The following ABTB3 variants were observed in gnomAD, a reference collection of about 807,000 sequenced individuals.
ABTB3 encodes the protein ankyrin repeat and BTB domain containing 3, also known as ankyrin repeat- and BTB/POZ domain-containing protein 3.
chr12:107,351,819 C>T, the ABTB3 span, among the ~76,000 whole-genome samples: 1 of 152,114 alleles, frequency 6.6e-6, no homozygotes, highest in South Asian at 2.1e-4. Context: ...GACTAAGACA[C>T]ACCCTCTCCC....
the ABTB3 span, among the ~76,000 whole-genome samples, chr12:107,519,976 A>C: frequency 6.6e-6 from 1 of 152,202 alleles, no homozygotes; most frequent in African/African-American, 2.4e-5. Flanking sequence ...CCTGACATAT[A>C]GCTCCACAGA....
chr12:107,458,788 G>A, the ABTB3 span, among the ~76,000 whole-genome samples: 1 of 152,144 alleles, frequency 6.6e-6, no homozygotes, highest in Non-Finnish European at 1.5e-5. Flanking sequence ...CAGCTTACCT[G>A]CTACTTCCCA....
chr12:107,545,638 A>G, the ABTB3 span, among the ~76,000 whole-genome samples: 5 of 152,216 alleles, frequency 3.3e-5, no homozygotes, highest in Non-Finnish European at 1.5e-5. Context: ...TAAATTACTC[A>G]GGTCTCCCAC....
At chr12:107,514,857 A>T in the ABTB3 span, among the ~76,000 whole-genome samples, 1 of 152,210 alleles carries the variant, frequency 6.6e-6, no homozygotes, top group Admixed American at 6.5e-5. Flanking sequence ...AGAAGGAGAA[A>T]TAATTCCAAG....
At chr12:107,484,862 G>T in the ABTB3 span, among the ~76,000 whole-genome samples, 3 of 152,138 alleles carry the variant, frequency 2.0e-5, no homozygotes, top group Non-Finnish European at 4.4e-5. Flanking sequence ...TGACTTCAGG[G>T]TTTTTGGCCT....
chr12:107,356,266 G>C, the ABTB3 span, among the ~76,000 whole-genome samples: 1 of 152,200 alleles, frequency 6.6e-6, no homozygotes, highest in South Asian at 2.1e-4. Context: ...GGTACCATAA[G>C]AGATCCATTA....
the ABTB3 span, among the ~76,000 whole-genome samples, chr12:107,568,683 T>C: frequency 6.6e-6 from 1 of 152,236 alleles, no homozygotes; most frequent in Non-Finnish European, 1.5e-5. Flanking sequence ...AAAGTTCTAT[T>C]GGAAGCTACC....
chr12:107,441,579 C>G, the ABTB3 span, among the ~76,000 whole-genome samples: 1 of 151,910 alleles, frequency 6.6e-6, no homozygotes, highest in Admixed American at 6.6e-5. Context: ...ACCTGTGGAA[C>G]AAACCTGCAC....
the ABTB3 span, among the ~76,000 whole-genome samples, chr12:107,409,503 C>G: frequency 6.6e-6 from 1 of 152,222 alleles, no homozygotes; most frequent in Non-Finnish European, 1.5e-5. Flanking sequence ...TGAATATATA[C>G]ACCATGGAAT....
At chr12:107,365,653 C>G in the ABTB3 span, among the ~76,000 whole-genome samples, 1 of 152,140 alleles carries the variant, frequency 6.6e-6, no homozygotes, top group Non-Finnish European at 1.5e-5. Context: ...ATGTTCTTTC[C>G]TCCCTAAAGT....
At chr12:107,604,964 C>T in the ABTB3 span, among the ~76,000 whole-genome samples, 1 of 152,144 alleles carries the variant, frequency 6.6e-6, no homozygotes, top group Admixed American at 6.5e-5. Context: ...TCATTTGTGA[C>T]AAAGTCAATA....
chr12:107,382,410 CT>C, the ABTB3 span, among the ~76,000 whole-genome samples: 2 of 152,176 alleles, frequency 1.3e-5, no homozygotes, highest in Non-Finnish European at 2.9e-5. Context: ...AAAAGATCCT[CT>C]TTGTAGCAAT....
chr12:107,630,270 T>C, the ABTB3 span, among the ~76,000 whole-genome samples: 2 of 152,180 alleles, frequency 1.3e-5, no homozygotes, highest in South Asian at 4.1e-4. Flanking sequence ...TAGTAGACGC[T>C]CAATAAATAT....
At chr12:107,551,918 A>G in the ABTB3 span, among the ~76,000 whole-genome samples, 1 of 151,940 alleles carries the variant, frequency 6.6e-6, no homozygotes, top group Admixed American at 6.6e-5. Flanking sequence ...ATGCCCGGCT[A>G]ATTTTGTATT....
chr12:107,334,641 A>T, the ABTB3 span, among the ~76,000 whole-genome samples: 1 of 152,036 alleles, frequency 6.6e-6, no homozygotes, highest in Non-Finnish European at 1.5e-5. Context: ...AGGAGAGAGG[A>T]TGGTTTGGAG....
the ABTB3 span, among the ~76,000 whole-genome samples, chr12:107,414,512 T>C: frequency 1.3e-5 from 2 of 152,192 alleles, no homozygotes; most frequent in Admixed American, 6.5e-5. Flanking sequence ...AGACATAGTA[T>C]TGGCAATAAT....
At chr12:107,436,204 C>A in the ABTB3 span, among the ~76,000 whole-genome samples, 1 of 152,196 alleles carries the variant, frequency 6.6e-6, no homozygotes, top group African/African-American at 2.4e-5. Context: ...CATGTTCCTG[C>A]ATTCTGGAGG....
the ABTB3 span, among the ~76,000 whole-genome samples, chr12:107,573,464 C>CGATGGATGGGTG: frequency 5.3e-3 from 734 of 139,614 alleles, 5 homozygotes; most frequent in Non-Finnish European, 6.4e-3. Flanking sequence ...GTGGATGAAT[C>CGATGGATGGGTG]GATGGATGGA....
the ABTB3 span, among the ~76,000 whole-genome samples, chr12:107,573,322 A>T: frequency 2.6e-5 from 4 of 152,208 alleles, no homozygotes; most frequent in African/African-American, 7.2e-5. Context: ...CCCATTGCAG[A>T]TGTGTGTCAG....
Sources: gnomAD v4.1 joint callset for allele counts (sites outside exome capture counted in the v4.1 genomes callset) on GRCh38, gnomAD v4.1.1 for gene constraint, MANE v1.5 for transcripts, NCBI Gene and HGNC (gene_info 2026-07-23, HGNC 2026-07-21) for gene names.